The following PPP1R13B variants were observed in gnomAD, a reference collection of about 807,000 sequenced individuals.
PPP1R13B encodes the protein apoptosis-stimulating of p53 protein 1.
A neutral mutation model predicts 119.8 loss-of-function variants in PPP1R13B; 44 were observed. The observed-to-expected ratio is 0.37, with a 90% CI of 0.29 to 0.47. PPP1R13B has a LOEUF of 0.47. Ranked by LOEUF, PPP1R13B falls within the 20% of genes least tolerant of loss-of-function variation. PPP1R13B has a pLI of 0.99. For missense variants in PPP1R13B, 1,227 were observed against 1,413.5 expected (o/e 0.87, Z 2.12); for synonymous variants, 542 against 561.5 (o/e 0.97, Z 0.49).
At chr14:103,793,964 G>T (rs1227125684) in intron 2 of PPP1R13B, among the ~76,000 whole-genome samples, 1 of 152,208 alleles carries the variant, frequency 6.6e-6, no homozygotes, top group Non-Finnish European at 1.5e-5. Flanking sequence ...AGAGATCAAA[G>T]TGGCCCCTAA....
chr14:103,839,163 C>T (rs1465389168), intron 1 of PPP1R13B, among the ~76,000 whole-genome samples: 1 of 152,088 alleles, frequency 6.6e-6, no homozygotes, highest in Non-Finnish European at 1.5e-5. Flanking sequence ...CAGGCACGTG[C>T]CACCACACCC....
intron 4 of PPP1R13B, chr14:103,762,856 A>C: frequency 9.8e-7 from 1 of 1,024,352 alleles, no homozygotes; most frequent in Non-Finnish European, 1.5e-6. Flanking sequence ...GGAAGAGTGG[A>C]AAAAGTTCAA....
At chr14:103,780,697 C>G (rs1490511051) in intron 3 of PPP1R13B, among the ~76,000 whole-genome samples, 1 of 151,074 alleles carries the variant, frequency 6.6e-6, no homozygotes, top group African/African-American at 2.4e-5. Context: ...ACCTGTAGTC[C>G]CAGCTACTTG....
chr14:103,827,058 C>T (rs1279200622), intron 1 of PPP1R13B, among the ~76,000 whole-genome samples: 1 of 148,734 alleles, frequency 6.7e-6, no homozygotes, highest in African/African-American at 2.5e-5. Flanking sequence ...GGCACGGTGG[C>T]ACACGCCAGT....
At chr14:103,769,253 T>C (rs1030773326) in intron 4 of PPP1R13B, among the ~76,000 whole-genome samples, 1 of 151,478 alleles carries the variant, frequency 6.6e-6, no homozygotes, top group Non-Finnish European at 1.5e-5. Flanking sequence ...GCCAGGCTAA[T>C]ATTTGTATTT....
rs148873864 is a variant in PPP1R13B, at chr14:103,824,107, G to A, written c.9+23192C>T. Reference sequence around the variant, plus strand: ...TGTCGCCAGACTGGAGTGCAGTGGCGCGATCTCGGCTCATTGCGACCTCCA... The same window carrying A: ...TGTCGCCAGACTGGAGTGCAGTGGCACGATCTCGGCTCATTGCGACCTCCA... On this transcript the variant is annotated intron_variant, in intron 1 of 16. Transcript: ENST00000202556. Among the ~76,000 whole-genome samples the A allele has an allele frequency of 3.0e-3, 422 of 140,128 alleles. 2 individuals carry two copies. The highest frequency in any genetic ancestry group is 5.2e-3 in the Non-Finnish European group (344 of 65,956). The allele number at this position is 140,128 out of a possible 152,430, so 91.9% of individuals were successfully genotyped here.
chr14:103,734,195 C>T lies in PPP1R13B; in HGVS notation c.*959G>A, dbSNP rs1160419930. The stretch of plus-strand genomic sequence containing the variant: ...TCGGCAGAGAGGGGTGGCCCCTGAC[C>T]CCAGCTCCTCTGCCCCAGCTGCTGC... On this transcript the variant is annotated 3_prime_UTR_variant, in exon 17 of 17. Coordinates refer to ENST00000202556, the MANE Select transcript of PPP1R13B (RefSeq NM_015316.3). 1 of 265,702 alleles carries T rather than the reference C, an allele frequency of 3.8e-6. No homozygotes were observed. The highest frequency in any genetic ancestry group is 7.6e-6 in the Non-Finnish European group (1 of 131,098). The allele number at this position is 265,702 out of a possible 1,614,324, so 16.5% of individuals were successfully genotyped here. A position where few individuals can be genotyped will look rare whatever the true frequency, so the allele number is the denominator to read the frequency against.
intron 1 of PPP1R13B, among the ~76,000 whole-genome samples, chr14:103,837,723 T>C (rs906829889): frequency 6.6e-6 from 1 of 152,194 alleles, no homozygotes; most frequent in Non-Finnish European, 1.5e-5. Flanking sequence ...TTATTTTTAA[T>C]CTCCCTTACT....
Position 103,847,344 on chromosome 14 carries a change from G to T in PPP1R13B, c.-37C>A. On this transcript the variant is annotated 5_prime_UTR_variant, in exon 1 of 17. Transcript: ENST00000202556. ...TCCGCGACGCCCTCGGCCGCCGCCT[G>T]ACAGGACGCTCCGCGCCGAGCTGTG... The T allele has an allele frequency of 8.2e-7, 1 of 1,217,740 alleles. No individual in the cohort carries two copies. The highest frequency in any genetic ancestry group is 1.0e-6 in the Non-Finnish European group (1 of 959,506). The allele number at this position is 1,217,740 out of a possible 1,614,324, so 75.4% of individuals were successfully genotyped here.
chr14:103,759,840 C>T (rs1039999620), intron 4 of PPP1R13B, among the ~76,000 whole-genome samples: 3 of 152,246 alleles, frequency 2.0e-5, no homozygotes, highest in African/African-American at 7.2e-5. Context: ...ATTTTACTTA[C>T]CTAAACCAAA....
intron 1 of PPP1R13B, among the ~76,000 whole-genome samples, chr14:103,814,728 G>A (rs1395996665): frequency 2.6e-5 from 4 of 152,110 alleles, no homozygotes; most frequent in African/African-American, 9.7e-5. Flanking sequence ...GGCGGATCAC[G>A]AGGTCAGGAG....
chr14:103,829,886 C>T (rs2086630575), intron 1 of PPP1R13B, among the ~76,000 whole-genome samples: 1 of 152,154 alleles, frequency 6.6e-6, no homozygotes, highest in South Asian at 2.1e-4. Flanking sequence ...TCAAGCGATT[C>T]TCCCGAGTCA....
chr14:103,738,367 G>C lies in PPP1R13B; in HGVS notation c.2864+312C>G. 1 of 400,426 alleles carries C rather than the reference G, an allele frequency of 2.5e-6. No homozygotes were observed. Among genetic ancestry groups the C allele is most frequent in the South Asian group, 2.6e-5 (1 of 38,024 alleles). The allele number at this position is 400,426 out of a possible 1,614,324, so 24.8% of individuals were successfully genotyped here. A position where few individuals can be genotyped will look rare whatever the true frequency, so the allele number is the denominator to read the frequency against. The stretch of plus-strand genomic sequence containing the variant: ...GGCTGCTTTTCACACGGAGCACAGA[G>C]TGTGAAGAGTCCATACGGAACATAT... On this transcript the variant is annotated intron_variant, in intron 14 of 16. Transcript: ENST00000202556. The surrounding 1 kb of genome is among the most constrained non-coding windows in gnomAD (Gnocchi z 5.6).
At chr14:103,773,907 T>C (rs1039618422) in intron 4 of PPP1R13B, among the ~76,000 whole-genome samples, 4 of 152,236 alleles carry the variant, frequency 2.6e-5, no homozygotes, top group Non-Finnish European at 5.9e-5. Context: ...TAGGAGATGA[T>C]AGGCACAGTT....
At chr14:103,839,701 C>T (rs2086860340) in intron 1 of PPP1R13B, among the ~76,000 whole-genome samples, 1 of 151,942 alleles carries the variant, frequency 6.6e-6, no homozygotes, top group South Asian at 2.1e-4. Flanking sequence ...ATCAATCCTA[C>T]ACTACTCTCT....
chr14:103,758,260 T>G (rs2084724139), intron 4 of PPP1R13B, among the ~76,000 whole-genome samples: 1 of 152,168 alleles, frequency 6.6e-6, no homozygotes, highest in Non-Finnish European at 1.5e-5. Flanking sequence ...GAGAATTACA[T>G]ATGTGAAATC....
Position 103,734,389 on chromosome 14 carries a change from A to T in PPP1R13B, c.*765T>A. The T allele has an allele frequency of 2.5e-6, 1 of 393,690 alleles. No individual in the cohort carries two copies. Among genetic ancestry groups the T allele is most frequent in the Admixed American group, 2.7e-5 (1 of 36,576 alleles). The allele number at this position is 393,690 out of a possible 1,614,324, so 24.4% of individuals were successfully genotyped here. ...CACCTGACTCCATTCAGGGAACTGA[A>T]TTTGAGCTTGCAGGGGTGAGAACCA... On this transcript the variant is annotated 3_prime_UTR_variant, in exon 17 of 17. Transcript: ENST00000202556.
intron 1 of PPP1R13B, among the ~76,000 whole-genome samples, chr14:103,813,773 A>G (rs2086214486): frequency 6.6e-6 from 1 of 152,194 alleles, no homozygotes; most frequent in Admixed American, 6.5e-5. Context: ...TATTTAGGTA[A>G]GAACTGAGTC....
upstream of PPP1R13B, chr14:103,847,700 G>C: frequency 2.3e-6 from 2 of 858,114 alleles, no homozygotes; most frequent in Non-Finnish European, 1.4e-6. Flanking sequence ...GAGGGGCGGG[G>C]CTTCCCGGCT....
Sources: gnomAD v4.1 joint callset for allele counts (sites outside exome capture counted in the v4.1 genomes callset) on GRCh38, gnomAD v4.1.1 for gene constraint, Gnocchi (gnomAD v3.1) non-coding constraint, MANE v1.5 for transcripts, NCBI Gene and HGNC (gene_info 2026-07-23, HGNC 2026-07-21) for gene names.